Variants in KCNAB1 observed in about 807,000 individuals in gnomAD.
KCNAB1 encodes the protein voltage-gated potassium channel subunit beta-1.
In KCNAB1, 35 loss-of-function variants were observed where a neutral mutation model predicts 64.6. The ratio of observed to expected loss-of-function variants is 0.54; its 90% CI spans 0.41 to 0.72. KCNAB1 has a LOEUF of 0.72. Among genes scored for constraint, KCNAB1 ranks in the 30% least tolerant of loss-of-function variants. The probability of loss-of-function intolerance (pLI) is 0.00; values close to 1 mark genes in which losing one functional copy is unlikely to be tolerated. For synonymous variants in KCNAB1, 177 were observed against 183.8 expected, an observed-to-expected ratio of 0.96 and a Z score of 0.30; for missense variants, 401 against 512.9, an observed-to-expected ratio of 0.78 and a Z score of 2.11.
At chr3:156,128,200 A>G (rs1713776261) in intron 1 of KCNAB1, among the ~76,000 whole-genome samples, 1 of 152,222 alleles carries the variant, frequency 6.6e-6, no homozygotes, top group South Asian at 2.1e-4. Context: ...TCCAGAAATC[A>G]GTGCTCCTCT....
At position 156,474,800 on chromosome 3, in the gene KCNAB1, A is replaced by G; in HGVS notation, c.638A>G (p.Asp213Gly). Residue 213 changes from aspartate (D) to glycine (G), a missense_variant, in exon 8 of 14, where the codon GAC becomes GGC. Coordinates refer to ENST00000490337, the MANE Select transcript of KCNAB1 (RefSeq NM_172160.3). ...GATGTGGTCTTTGCAAATCGACCGG[A>G]CAGTAACACTCCCATGGAAGGTAAG... ...YVDVVFANRP[D>G]SNTPMEEIVR... The G allele has an allele frequency of 6.2e-7, 1 of 1,612,966 alleles. No individual in the cohort carries two copies. The highest frequency in any genetic ancestry group is 8.5e-7 in the Non-Finnish European group (1 of 1,179,132).
chr3:156,361,105 AC>A (rs1213506108), intron 1 of KCNAB1, among the ~76,000 whole-genome samples: 6 of 152,302 alleles, frequency 3.9e-5, no homozygotes, highest in African/African-American at 1.4e-4. Context: ...ACATAGCCCT[AC>A]ATGCTCTGAC....
At chr3:156,487,457 T>A (rs1715296227) in intron 8 of KCNAB1, among the ~76,000 whole-genome samples, 1 of 152,188 alleles carries the variant, frequency 6.6e-6, no homozygotes, top group Non-Finnish European at 1.5e-5. Context: ...ATCCCCATGT[T>A]AAGTTTTATG....
At position 156,524,746 on chromosome 3, in the gene KCNAB1, CAAAAAAAAAAA is replaced by C. The variant is rs10553136; in HGVS notation, c.1081+819_1081+829del. On this transcript the variant is annotated intron_variant, in intron 12 of 13. Transcript: ENST00000490337. Reference sequence around the variant, plus strand: ...TGCGTGACAGAGCAAGACTCCATCTCAAAAAAAAAAAAAAAAAAAAAAAAAAAAAAGAAAAC... The same window carrying C: ...TGCGTGACAGAGCAAGACTCCATCTCAAAAAAAAAAAAAAAAAAAGAAAAC... Among the ~76,000 whole-genome samples the C allele has an allele frequency of 4.5e-3, 336 of 74,452 alleles. 11 individuals are homozygous for C. The East Asian group carries it at 0.13, about 29-fold the overall frequency. The allele number at this position is 74,452 out of a possible 152,430, so 48.8% of individuals were successfully genotyped here. A position where few individuals can be genotyped will look rare whatever the true frequency, so the allele number is the denominator to read the frequency against.
intron 1 of KCNAB1, among the ~76,000 whole-genome samples, chr3:156,121,881 G>C (rs1407154059): frequency 1.3e-5 from 2 of 152,278 alleles, no homozygotes; most frequent in Non-Finnish European, 2.9e-5. Context: ...ATTTCCAAAA[G>C]ACACTACAGA....
At chr3:156,136,353 C>T (rs1714347153) in intron 1 of KCNAB1, among the ~76,000 whole-genome samples, 1 of 152,162 alleles carries the variant, frequency 6.6e-6, no homozygotes, top group Admixed American at 6.5e-5. Flanking sequence ...TCAGAAAGTG[C>T]CCACTGGTGG....
intron 5 of KCNAB1, among the ~76,000 whole-genome samples, chr3:156,461,123 A>G (rs900887305): frequency 6.6e-6 from 1 of 152,182 alleles, no homozygotes; most frequent in Non-Finnish European, 1.5e-5. Flanking sequence ...TTTCCCACTC[A>G]GAGTATTGGT....
chr3:156,317,348 T>A (rs1486806506), intron 1 of KCNAB1, among the ~76,000 whole-genome samples: 1 of 152,230 alleles, frequency 6.6e-6, no homozygotes, highest in Non-Finnish European at 1.5e-5. Context: ...CAAGCTTTTA[T>A]AACTTGGTTA....
At chr3:156,250,547 T>A (rs1184716535) in intron 1 of KCNAB1, among the ~76,000 whole-genome samples, 2 of 152,170 alleles carry the variant, frequency 1.3e-5, no homozygotes, top group Non-Finnish European at 2.9e-5. Context: ...AAATGTATGG[T>A]GTAGCATCTG....
intron 1 of KCNAB1, among the ~76,000 whole-genome samples, chr3:156,417,284 A>G (rs1715143273): frequency 6.6e-6 from 1 of 152,240 alleles, no homozygotes; most frequent in Admixed American, 6.5e-5. Flanking sequence ...TATAATTCAG[A>G]AGGATCAGAA....
chr3:156,363,194 A>G (rs1453890661), intron 1 of KCNAB1, among the ~76,000 whole-genome samples: 6 of 152,252 alleles, frequency 3.9e-5, no homozygotes. Context: ...GTAAATACAT[A>G]TAATTCTTTG....
In KCNAB1 at chr3:156,536,660, T is replaced by C; in HGVS notation, c.1173T>C (p.Val391=). Reference sequence around the variant, plus strand: ...TGTACTTCTCCTCCTGCTCTCAGGTTCTCCCAAAGATGACATCACATGTGG... The same window carrying C: ...TGTACTTCTCCTCCTGCTCTCAGGTCCTCCCAAAGATGACATCACATGTGG... ...QLIENLGAIQ[V]LPKMTSHVVN... The change falls in exon 14 of 14, where the codon GTT becomes GTC. Residue 391 remains valine (V), a splice_region_variant and synonymous_variant. Transcript: ENST00000490337. 1.9e-6 allele frequency: 3 copies of C among 1,607,758 alleles called. No individual in the cohort carries two copies. Among genetic ancestry groups the C allele is most frequent in the Non-Finnish European group, 2.6e-6 (3 of 1,174,186 alleles).
chr3:156,176,901 T>C (rs1712416097), intron 1 of KCNAB1: 1 of 1,094,234 alleles, frequency 9.1e-7, no homozygotes, highest in Non-Finnish European at 1.3e-6. Flanking sequence ...ACGCTTCTGC[T>C]GTTCTATCAT....
intron 8 of KCNAB1, among the ~76,000 whole-genome samples, chr3:156,480,107 A>C (rs935890291): frequency 8.5e-5 from 13 of 152,156 alleles, no homozygotes; most frequent in Non-Finnish European, 1.5e-4. Flanking sequence ...AAAGTTTTCA[A>C]AACCAAAATT....
rs148500748 is a variant in KCNAB1, at chr3:156,516,062, C to T, written c.866-208C>T. Among the ~76,000 whole-genome samples the T allele has an allele frequency of 4.1e-3, 622 of 152,022 alleles. 14 individuals carry two copies. The highest frequency in any genetic ancestry group is 1.8e-3 in the Non-Finnish European group (121 of 68,022). On this transcript the variant is annotated intron_variant, in intron 10 of 13. Coordinates refer to ENST00000490337, the MANE Select transcript of KCNAB1 (RefSeq NM_172160.3). ...TATGCACTCCCAAGAACTGACAGTC[C>T]ATGTTTAATTGGCTGATTAAAGAAT...
chr3:156,478,858 A>C (rs1714575127), intron 8 of KCNAB1, among the ~76,000 whole-genome samples: 1 of 152,140 alleles, frequency 6.6e-6, no homozygotes. Context: ...ATTTCTTAGA[A>C]AATCAATAGA....
chr3:156,162,509 T>A (rs1716140554), intron 1 of KCNAB1, among the ~76,000 whole-genome samples: 1 of 152,154 alleles, frequency 6.6e-6, no homozygotes, highest in African/African-American at 2.4e-5. Context: ...TTTCATTGTA[T>A]GTTCAGCTGT....
intron 2 of KCNAB1, among the ~76,000 whole-genome samples, chr3:156,429,754 T>C (rs1716077343): frequency 6.6e-6 from 1 of 152,188 alleles, no homozygotes; most frequent in Non-Finnish European, 1.5e-5. Flanking sequence ...AGAGCAGCAA[T>C]AATAAATATT....
intron 1 of KCNAB1, among the ~76,000 whole-genome samples, chr3:156,240,505 G>T (rs2173492): frequency 0.72 from 109,073 of 152,030 alleles, 39,599 homozygotes; most frequent in East Asian, 0.9. Flanking sequence ...CACTTTTGAC[G>T]CTTTAACCTG....
Sources: allele counts gnomAD v4.1 joint callset (sites outside exome capture counted in the v4.1 genomes callset), GRCh38; gene constraint gnomAD v4.1.1; transcripts MANE v1.5; gene names NCBI Gene and HGNC (gene_info 2026-07-23, HGNC 2026-07-21).